Variants in NPAT observed in about 807,000 individuals in gnomAD.
NPAT encodes the protein protein NPAT.
Under a neutral mutation model 130.7 loss-of-function variants are expected in NPAT, and 52 were observed. That is an observed-to-expected ratio of 0.40 (90% confidence interval 0.32 to 0.50). NPAT has a LOEUF of 0.50. Ranked by LOEUF, NPAT falls within the 20% of genes least tolerant of loss-of-function variation. NPAT has a pLI of 0.68. For missense variants in NPAT, 1,687 were observed against 1,662.6 expected (o/e 1.01, Z -0.26); for synonymous variants, 580 against 584.8 (o/e 0.99, Z 0.12).
chr11:108,194,684 T>C (rs1309350531), intron 2 of NPAT, among the ~76,000 whole-genome samples: 1 of 152,250 alleles, frequency 6.6e-6, no homozygotes, highest in East Asian at 1.9e-4. Context: ...AGGGTCTTGC[T>C]CTGTCACACA....
intron 13 of NPAT, chr11:108,171,124 A>ATTTTTTTTTTTTTTTTTT (rs63478164): frequency 1.0e-5 from 1 of 95,834 alleles, no homozygotes; most frequent in African/African-American, 4.0e-5. Flanking sequence ...TGAAAAAAGG[A>ATTTTTTTTTTTTTTTTTT]TTTTTTTTTT....
chr11:108,202,015 ATT>A (rs1455127088), intron 1 of NPAT, among the ~76,000 whole-genome samples: 19 of 151,920 alleles, frequency 1.3e-4, no homozygotes, highest in African/African-American at 4.6e-4. Flanking sequence ...AAATGATATT[ATT>A]GATAGCATGC....
Position 108,189,342 on chromosome 11 carries a change from A to G in NPAT, c.332-12T>C. 1.2e-6 allele frequency: 2 copies of G among 1,613,590 alleles called. No homozygotes were observed. The highest frequency in any genetic ancestry group is 1.7e-6 in the Non-Finnish European group (2 of 1,179,492). On this transcript the variant is annotated splice_polypyrimidine_tract_variant and intron_variant, in intron 5 of 17. Transcript: ENST00000278612. ...AGTTCTCGTTCGGGCTGAAACATAT[A>G]AGCATTTAAAAAACAAATTCAACGT...
chr11:108,202,085 T>C lies in NPAT; in HGVS notation c.38-4665A>G, dbSNP rs182144708. On this transcript the variant is annotated intron_variant, in intron 1 of 17. Transcript: ENST00000278612. ...GAGGTAACTGCCCTCACAAAGGTGCTTGAATAAAGCAAAGGGAAAGCAGTT... is the reference window on the plus strand; with the variant it reads ...GAGGTAACTGCCCTCACAAAGGTGCCTGAATAAAGCAAAGGGAAAGCAGTT... Among the ~76,000 whole-genome samples, 77 of 152,290 alleles carry C rather than the reference T, an allele frequency of 5.1e-4. 1 individual carries two copies. The highest frequency in any genetic ancestry group is 3.6e-3 in the Admixed American group (55 of 15,302).
chr11:108,190,705 C>A (rs559274981), intron 4 of NPAT, among the ~76,000 whole-genome samples: 1 of 152,204 alleles, frequency 6.6e-6, no homozygotes, highest in Non-Finnish European at 1.5e-5. Flanking sequence ...GACACACTCA[C>A]AACACACATA....
At chr11:108,188,879 A>T (rs1309862468) in intron 6 of NPAT, among the ~76,000 whole-genome samples, 2 of 152,332 alleles carry the variant, frequency 1.3e-5, no homozygotes, top group South Asian at 2.1e-4. Flanking sequence ...AGAATTAGAG[A>T]GTTGAAGACT....
intron 2 of NPAT, among the ~76,000 whole-genome samples, 199 bp downstream of exon 2, chr11:108,197,103 T>C (rs955056941): frequency 1.3e-5 from 2 of 152,102 alleles, no homozygotes; most frequent in African/African-American, 4.8e-5. Flanking sequence ...GGAGTCAAAG[T>C]TGTAATTCAT....
At chr11:108,218,010 A>G (rs1197969354) in intron 1 of NPAT, among the ~76,000 whole-genome samples, 3 of 152,172 alleles carry the variant, frequency 2.0e-5, no homozygotes, top group Admixed American at 6.5e-5. Context: ...AAATAAATAA[A>G]ATAGAAAATA....
At position 108,161,799 on chromosome 11, in the gene NPAT, G is replaced by C. The variant is rs1226463017; in HGVS notation, c.3287C>G (p.Pro1096Arg). ...QNKERNAVSFPNLDSPNVSST... is the reference protein window; with the variant it reads ...QNKERNAVSFRNLDSPNVSST... ...GGACACATTGGGTGAGTCAAGATTA[G>C]GAAAAGAGACTGCATTCCTTTCTTT... Residue 1096 changes from proline to arginine, a missense_variant, in exon 17 of 18, where the codon CCT becomes CGT. By Grantham distance (103) the Pro-to-Arg change is moderately radical. This residue lies in a region of NPAT where 1,379 missense variants were observed against 1,346.6 expected (regional missense o/e 1.02). Coordinates refer to ENST00000278612, the MANE Select transcript of NPAT (RefSeq NM_002519.3). 1 of 1,613,866 alleles carries C rather than the reference G, an allele frequency of 6.2e-7. No individual in the cohort carries two copies.
chr11:108,206,743 G>A (rs751817826), intron 1 of NPAT, among the ~76,000 whole-genome samples: 35 of 152,180 alleles, frequency 2.3e-4, no homozygotes, highest in Non-Finnish European at 4.9e-4. Flanking sequence ...CCTTTCAGTG[G>A]GTCCCATGTT....
intron 4 of NPAT, 133 bp from the exon 5 acceptor site, chr11:108,190,633 AAC>A (rs1220153330): frequency 2.6e-6 from 2 of 761,776 alleles, no homozygotes; most frequent in Non-Finnish European, 4.6e-6. Context: ...AAAAAAGACA[AAC>A]ACACACATTT....
intron 13 of NPAT, chr11:108,170,336 G>A (rs1404576240): frequency 2.9e-5 from 11 of 375,900 alleles, no homozygotes; most frequent in Non-Finnish European, 5.0e-5. Context: ...AGACTCTACA[G>A]CCAAGACATC....
At chr11:108,175,420 C>T (rs1591392757) in intron 12 of NPAT, among the ~76,000 whole-genome samples, 2 of 152,142 alleles carry the variant, frequency 1.3e-5, no homozygotes, top group African/African-American at 4.8e-5. Context: ...ACATCTGAAT[C>T]CTTATTGTGG....
chr11:108,180,913 T>C (rs567413698), intron 10 of NPAT, among the ~76,000 whole-genome samples: 6 of 152,346 alleles, frequency 3.9e-5, no homozygotes, highest in Admixed American at 2.6e-4. Flanking sequence ...GAGGATATTA[T>C]ACCAAGTGAA....
At chr11:108,193,811 C>A in intron 3 of NPAT, 146 bp downstream of exon 3, 1 of 553,548 alleles carries the variant, frequency 1.8e-6, no homozygotes, top group South Asian at 2.5e-5. Flanking sequence ...TAGATGTGTC[C>A]CAGAAAAATT....
Position 108,173,032 on chromosome 11 carries a change from G to A in NPAT, c.1952C>T (p.Ala651Val). Reference protein sequence around the residue: ...SVELNHTENEAQASKSENSQE... With the variant: ...SVELNHTENEVQASKSENSQE... The stretch of plus-strand genomic sequence containing the variant: ...TGAATTCTCAGACTTGGATGCCTGA[G>A]CTTCATTTTCTGTATGATTTAACTC... The change falls in exon 13 of 18, where the codon GCT (alanine) becomes GTT (valine). Residue 651 changes from alanine to valine, a missense_variant. By Grantham distance (64) the Ala-to-Val change is moderately conservative. Around this residue, in one of 3 missense-constraint regions of NPAT, gnomAD observed 1,379 missense variants for 1,346.6 expected, o/e 1.02. Coordinates refer to ENST00000278612, the MANE Select transcript of NPAT (RefSeq NM_002519.3). The A allele has an allele frequency of 6.2e-7, 1 of 1,613,966 alleles. No homozygotes were observed. Among genetic ancestry groups the A allele is most frequent in the Non-Finnish European group, 8.5e-7 (1 of 1,179,962 alleles).
At chr11:108,198,136 A>C (rs1352511837) in intron 1 of NPAT, among the ~76,000 whole-genome samples, 1 of 152,216 alleles carries the variant, frequency 6.6e-6, no homozygotes, top group Non-Finnish European at 1.5e-5. Context: ...TCTTCACAGA[A>C]TATAGACTGC....
intron 5 of NPAT, among the ~76,000 whole-genome samples, chr11:108,189,714 C>A (rs1194915606): frequency 2.0e-5 from 3 of 150,732 alleles, no homozygotes; most frequent in Non-Finnish European, 3.0e-5. Context: ...ACTAAAAATA[C>A]AAAAAATTAG....
chr11:108,191,165 A>G (rs921060879), intron 4 of NPAT, among the ~76,000 whole-genome samples: 1 of 152,220 alleles, frequency 6.6e-6, no homozygotes, highest in Non-Finnish European at 1.5e-5. Context: ...ATTATCTTTC[A>G]CAATTATAGA....
Sources: gnomAD v4.1 joint callset for allele counts (sites outside exome capture counted in the v4.1 genomes callset) on GRCh38, gnomAD v4.1.1 for gene constraint, gnomAD v4.1.1 regional missense constraint, MANE v1.5 for transcripts, NCBI Gene and HGNC (gene_info 2026-07-23, HGNC 2026-07-21) for gene names.